SHC2: variants seen among roughly 807,000 people sequenced by gnomAD.
SHC2 encodes the protein SHC adaptor protein 2.
SHC2 carries 62 observed loss-of-function variants against 60.6 expected under a neutral mutation model. That is an observed-to-expected ratio of 1.02 (90% CI 0.83 to 1.26). The LOEUF is 1.26. SHC2 is among the 50% of genes most tolerant of loss of function. The probability of loss-of-function intolerance (pLI) is 0.00; values close to 1 mark genes in which losing one functional copy is unlikely to be tolerated. For missense variants in SHC2, 873 were observed against 822.2 expected, an observed-to-expected ratio of 1.06 and a Z score of -0.76; for synonymous variants, 375 against 372.4, an observed-to-expected ratio of 1.01 and a Z score of -0.08.
rs776369782 is a variant in SHC2, at chr19:438,860, C to A, written c.601-23G>T. ...GGCCTGAGTTGGGGGCGGAGCACAGCGAGGGCGGCTGTGGGTGGGGGCTGT... is the reference window on the plus strand; with the variant it reads ...GGCCTGAGTTGGGGGCGGAGCACAGAGAGGGCGGCTGTGGGTGGGGGCTGT... On this transcript the variant is annotated intron_variant, in intron 3 of 12. Transcript: ENST00000264554. This position sits in a 1 kb window ranked among gnomAD's most constrained non-coding sequence, Gnocchi z 5.0. The A allele has an allele frequency of 1.3e-6, 2 of 1,558,478 alleles. No homozygotes were observed. The highest frequency in any genetic ancestry group is 2.7e-5 in the African/African-American group (2 of 73,306).
At chr19:436,359 C>T (rs769655803) in intron 6 of SHC2, 21 bp downstream of exon 6, 212 of 1,595,976 alleles carry the variant, frequency 1.3e-4, no homozygotes, top group Admixed American at 2.2e-4. Context: ...GGACCCCCAC[C>T]GGCCTCCCCG....
At position 436,471 on chromosome 19, in the gene SHC2, C is replaced by T. The variant is rs763373579; in HGVS notation, c.775-40G>A. ...GGGCCAGCTGGACCTGCCTGGGCCC[C>T]CCACCGGGATTCCCAGCTGCCCACC... On this transcript the variant is annotated intron_variant, in intron 5 of 12. Coordinates refer to ENST00000264554, the MANE Select transcript of SHC2 (RefSeq NM_012435.3). The T allele has an allele frequency of 4.4e-6, 7 of 1,601,798 alleles. No individual in the cohort carries two copies. In the Admixed American group the frequency reaches 1.0e-4, roughly 24 times the overall value.
At chr19:448,189 G>A (rs958501593) in intron 1 of SHC2, among the ~76,000 whole-genome samples, 7 of 152,242 alleles carry the variant, frequency 4.6e-5, no homozygotes, top group Non-Finnish European at 8.8e-5. Flanking sequence ...GAGCTTTACG[G>A]GGGAGAAAAG....
intron 1 of SHC2, among the ~76,000 whole-genome samples, chr19:457,707 C>T (rs1327693506): frequency 6.6e-6 from 1 of 152,260 alleles, no homozygotes; most frequent in Non-Finnish European, 1.5e-5. Context: ...GGAGCCCCAA[C>T]AACCCTGGCG....
rs60093283 is a variant in SHC2 at position 422,200 on chromosome 19, G to C, written c.1566C>G (p.Thr522=). 6.2e-7 allele frequency: 1 copy of C among 1,612,560 alleles called. No homozygotes were observed. Among genetic ancestry groups the C allele is most frequent in the African/African-American group, 1.3e-5 (1 of 75,030 alleles). The part of the protein sequence containing the change: ...SVTNPGQYVL[T]GMHAGQPKHL... ...GCTTGGGCTGCCCGGCGTGCATGCC[G>C]GTGAGGACATACTGCCCGGGGTTGG... The change falls in exon 11 of 13, where the codon ACC becomes ACG. Residue 522 remains threonine (T), a synonymous_variant. Coordinates refer to ENST00000264554, the MANE Select transcript of SHC2 (RefSeq NM_012435.3). This position sits in a 1 kb window ranked among gnomAD's most constrained non-coding sequence, Gnocchi z 5.0.
intron 7 of SHC2, chr19:435,807 T>C: frequency 4.2e-6 from 1 of 238,992 alleles, no homozygotes; most frequent in Non-Finnish European, 8.3e-6. Context: ...CACAGACACG[T>C]CCCCCCCTTT....
At chr19:430,809 C>A (rs1974566976) in intron 8 of SHC2, 62 bp from the exon 9 acceptor site, 2 of 1,488,272 alleles carry the variant, frequency 1.3e-6, no homozygotes, top group Non-Finnish European at 1.9e-6. Flanking sequence ...GGCTCTGGAC[C>A]CCCAGTCTCC....
Position 438,993 on chromosome 19 carries a change from C to T in SHC2, c.577G>A (p.Val193Ile), listed in dbSNP as rs201973202. The stretch of plus-strand genomic sequence containing the variant: ...ACCTTTTTCTTCCAGGATCCCCGGA[C>T]GCCAGGCACGGCCTCATGGAGCCGG... ...INRLHEAVPG[V>I]RGSWKKKAPN... is the part of the protein sequence containing the mutation. The change falls in exon 3 of 13, where the codon GTC (valine) becomes ATC (isoleucine). Residue 193 changes from valine to isoleucine, a missense_variant. Transcript: ENST00000264554. This position sits in a 1 kb window ranked among gnomAD's most constrained non-coding sequence, Gnocchi z 5.0. The T allele has an allele frequency of 2.7e-5, 44 of 1,601,290 alleles. No individual in the cohort carries two copies. The highest frequency in any genetic ancestry group is 2.6e-4 in the Admixed American group (15 of 58,666).
At chr19:443,890 G>T (rs533770031) in intron 1 of SHC2, among the ~76,000 whole-genome samples, 6 of 128,782 alleles carry the variant, frequency 4.7e-5, no homozygotes, top group South Asian at 2.9e-4. Flanking sequence ...AGGTGGATGG[G>T]TGGGTGGATG....
intron 11 of SHC2, among the ~76,000 whole-genome samples, chr19:420,874 A>G (rs1285960370): frequency 6.6e-6 from 1 of 151,454 alleles, no homozygotes; most frequent in Non-Finnish European, 1.5e-5. Flanking sequence ...ACATGGTGAT[A>G]CCCCGTCTCT....
At chr19:437,319 C>T (rs951031793) in intron 4 of SHC2, among the ~76,000 whole-genome samples, 4 of 151,580 alleles carry the variant, frequency 2.6e-5, no homozygotes, top group African/African-American at 9.7e-5. Context: ...TGCTCATCTG[C>T]ATGCTCATCT....
rs1200245617 is a variant in SHC2, at chr19:460,992, G to C, written c.5C>G (p.Thr2Arg). The C allele has an allele frequency of 1.0e-6, 1 of 969,496 alleles. No homozygotes were observed. Among genetic ancestry groups the C allele is most frequent in the South Asian group, 4.6e-5 (1 of 21,784 alleles). The allele number at this position is 969,496 out of a possible 1,614,324, so 60.1% of individuals were successfully genotyped here. A position where few individuals can be genotyped will look rare whatever the true frequency, so the allele number is the denominator to read the frequency against. The change falls in exon 1 of 13, where the codon ACG (threonine) becomes AGG (arginine). Residue 2 changes from threonine (T) to arginine (R), a missense_variant. Physicochemically the swap from Thr to Arg is moderately conservative, Grantham distance 71. Coordinates refer to ENST00000264554, the MANE Select transcript of SHC2 (RefSeq NM_012435.3). M[T>R]QGPGGRAPPA... ...GGGCGCGCGCCCGCCCGGACCCTGC[G>C]TCATGGCCGCGGCCGCCCGACGGAG...
rs1220984421 is a variant in SHC2 at position 438,719 on chromosome 19, T to G, written c.719A>C (p.Gln240Pro). 1 of 1,555,916 alleles carries G rather than the reference T, an allele frequency of 6.4e-7. No individual in the cohort carries two copies. Among genetic ancestry groups the G allele is most frequent in the Non-Finnish European group, 8.7e-7 (1 of 1,150,720 alleles). Residue 240 changes from glutamine (Q) to proline (P), a missense_variant and splice_region_variant, in exon 4 of 13, where the codon CAG (glutamine) becomes CCG (proline). Transcript: ENST00000264554. The surrounding 1 kb of genome is among the most constrained non-coding windows in gnomAD (Gnocchi z 5.0). Reference sequence around the variant, plus strand: ...GCCAGGCGAAGAGGGCAGACCCACCTGGCGCGTGGCAGGCACGGAGAGGCT... The same window carrying G: ...GCCAGGCGAAGAGGGCAGACCCACCGGGCGCGTGGCAGGCACGGAGAGGCT... ...GLSLSVPATR[Q>P]VIANHHMPSI...
At position 417,022 on chromosome 19, in the gene SHC2, G is replaced by A. The variant is rs534841282; in HGVS notation, c.*306C>T. The A allele has an allele frequency of 7.2e-5, 11 of 152,854 alleles. No individual in the cohort carries two copies. Among genetic ancestry groups the A allele is most frequent in the African/African-American group, 2.7e-4 (11 of 41,468 alleles). The allele number at this position is 152,854 out of a possible 1,614,324, so 9.5% of individuals were successfully genotyped here. A position where few individuals can be genotyped will look rare whatever the true frequency, so the allele number is the denominator to read the frequency against. On this transcript the variant is annotated 3_prime_UTR_variant, in exon 13 of 13. Transcript: ENST00000264554. ...GGCGAGAGGGGGACCCAAGGGCCAG[G>A]GCTCCGAGGCAGCGGCTGCTTCTGG...
chr19:428,289 T>C (rs1458853433), intron 9 of SHC2, among the ~76,000 whole-genome samples: 1 of 152,202 alleles, frequency 6.6e-6, no homozygotes, highest in African/African-American at 2.4e-5. Flanking sequence ...TACTGATTCC[T>C]ACTGAAATGG....
At chr19:456,766 T>G (rs1344842013) in intron 1 of SHC2, among the ~76,000 whole-genome samples, 1 of 150,744 alleles carries the variant, frequency 6.6e-6, no homozygotes, top group Non-Finnish European at 1.5e-5. Flanking sequence ...GCACCTGCTG[T>G]GCCCCGTCTA....
intron 9 of SHC2, among the ~76,000 whole-genome samples, chr19:427,035 C>T (rs2145699314): frequency 6.6e-6 from 1 of 152,308 alleles, no homozygotes; most frequent in South Asian, 2.1e-4. Flanking sequence ...TGGCGAGCCC[C>T]CGGTCCGGGG....
Position 425,091 on chromosome 19 carries a change from A to G in SHC2, c.1309+6T>C. On this transcript the variant is annotated splice_donor_region_variant and intron_variant, in intron 10 of 12. Coordinates refer to ENST00000264554, the MANE Select transcript of SHC2 (RefSeq NM_012435.3). The surrounding 1 kb of genome is among the most constrained non-coding windows in gnomAD (Gnocchi z 4.1). ...GATGACGGCCGCCCCCCAGGCTGCCACATACGCATGTCAAACAGATCCTTT... is the reference window on the plus strand; with the variant it reads ...GATGACGGCCGCCCCCCAGGCTGCCGCATACGCATGTCAAACAGATCCTTT... The G allele has an allele frequency of 1.4e-6, 2 of 1,392,492 alleles. No homozygotes were observed. The highest frequency in any genetic ancestry group is 3.7e-5 in the South Asian group (2 of 53,728). 86.3% of individuals were successfully genotyped at this position (1,392,492 alleles called of 1,614,324 possible).
intron 11 of SHC2, among the ~76,000 whole-genome samples, chr19:421,355 G>A (rs1395033573): frequency 6.8e-6 from 1 of 146,464 alleles, no homozygotes; most frequent in African/African-American, 2.5e-5. Flanking sequence ...AGCCGAGATT[G>A]CGCCATTGCA....
Sources: gnomAD v4.1 joint callset for allele counts (sites outside exome capture counted in the v4.1 genomes callset) on GRCh38, gnomAD v4.1.1 for gene constraint, Gnocchi (gnomAD v3.1) non-coding constraint, MANE v1.5 for transcripts, NCBI Gene and HGNC (gene_info 2026-07-23, HGNC 2026-07-21) for gene names.